Variants in WDR64 observed in about 807,000 individuals in gnomAD.
The protein encoded by WDR64 is WD repeat domain 64, also known as WD repeat-containing protein 64.
In WDR64, 112 loss-of-function variants were observed where a neutral mutation model predicts 139.3. That is an observed-to-expected ratio of 0.80 (90% CI 0.69 to 0.94). The LOEUF is 0.94. WDR64 is among the 40% of genes least tolerant of loss of function. The pLI, the probability that WDR64 is intolerant of heterozygous loss-of-function variation, is 0.00. For synonymous variants in WDR64, 444 were observed against 437.7 expected, an observed-to-expected ratio of 1.01 and a Z score of -0.18; for missense variants, 1,206 against 1,293.1, an observed-to-expected ratio of 0.93 and a Z score of 1.03.
At chr1:241,765,401 G>A (rs1344198761) in intron 15 of WDR64, among the ~76,000 whole-genome samples, 1 of 152,054 alleles carries the variant, frequency 6.6e-6, no homozygotes, top group East Asian at 1.9e-4. Context: ...AAATGTATTT[G>A]AGATAAACCC....
At chr1:241,713,596 T>C (rs1490015061) in intron 9 of WDR64, among the ~76,000 whole-genome samples, 1 of 148,106 alleles carries the variant, frequency 6.8e-6, no homozygotes, top group East Asian at 2.0e-4. Flanking sequence ...TTGAGATTGA[T>C]TGAGATAATT....
intron 20 of WDR64, among the ~76,000 whole-genome samples, chr1:241,774,664 C>T (rs1658580296): frequency 6.6e-6 from 1 of 152,016 alleles, no homozygotes. Context: ...CTGTTTAAAA[C>T]AACTGACATA....
chr1:241,715,585 C>T (rs911311935), intron 9 of WDR64, among the ~76,000 whole-genome samples: 1 of 152,164 alleles, frequency 6.6e-6, no homozygotes, highest in Non-Finnish European at 1.5e-5. Context: ...AATATTAGCC[C>T]TCTTCCTCTT....
chr1:241,773,558 C>T (rs1658539970), intron 20 of WDR64, among the ~76,000 whole-genome samples: 1 of 152,098 alleles, frequency 6.6e-6, no homozygotes, highest in African/African-American at 2.4e-5. Flanking sequence ...CAACCTCCAC[C>T]CCTCGGTTCA....
intron 8 of WDR64, among the ~76,000 whole-genome samples, chr1:241,707,886 A>T (rs1668013791): frequency 2.6e-5 from 4 of 152,250 alleles, no homozygotes; most frequent in Admixed American, 2.6e-4. Context: ...TTCTAAAGTC[A>T]TATATTTAGC....
At chr1:241,772,451 C>CTTTTTTTTGTTTTT (rs1658491311) in intron 19 of WDR64, among the ~76,000 whole-genome samples, 1 of 59,020 alleles carries the variant, frequency 1.7e-5, no homozygotes, top group Non-Finnish European at 3.0e-5. Flanking sequence ...AAGATAGATC[C>CTTTTTTTTGTTTTT]TTTTTTTTTT....
intron 2 of WDR64, among the ~76,000 whole-genome samples, chr1:241,661,249 A>G (rs763488256): frequency 1.9e-4 from 29 of 152,196 alleles, no homozygotes; most frequent in Non-Finnish European, 3.7e-4. Flanking sequence ...ATGGATATGT[A>G]TAAGGAGAAT....
At chr1:241,771,124 T>A (rs1037969223) in intron 18 of WDR64, among the ~76,000 whole-genome samples, 2 of 152,240 alleles carry the variant, frequency 1.3e-5, no homozygotes. Context: ...CAATTTTATA[T>A]ATTTTTATGC....
At chr1:241,654,760 G>A (rs901925360) in intron 1 of WDR64, among the ~76,000 whole-genome samples, 1 of 152,082 alleles carries the variant, frequency 6.6e-6, no homozygotes, top group Non-Finnish European at 1.5e-5. Flanking sequence ...CATGAGATAG[G>A]GGCATATTAA....
rs1665869841 is a variant in WDR64 at position 241,662,522 on chromosome 1, C to A, written c.276+1862C>A. On this transcript the variant is annotated intron_variant, in intron 2 of 27. Coordinates refer to ENST00000437684, the MANE Select transcript of WDR64 (RefSeq NM_001367482.1). ...AGTTCACAACTTTGCATTTTCAAGG[C>A]CAGCAGGAGAATTTTTCCCTCCATA... 2.6e-5 allele frequency among the ~76,000 whole-genome samples: 4 copies of A among 152,088 alleles called. No homozygotes were observed. In the South Asian group the frequency reaches 6.2e-4, roughly 24 times the overall value.
rs997708751 is a variant in WDR64 at position 241,744,530 on chromosome 1, C to T, written c.1594+14C>T. The T allele has an allele frequency of 1.2e-6, 2 of 1,612,438 alleles. No homozygotes were observed. Among genetic ancestry groups the T allele is most frequent in the South Asian group, 1.1e-5 (1 of 90,506 alleles). ...GAGCGTATAATGGTCAGACTAACAT[C>T]CAGAATGTGGCGTCCCTGCTTTAGT... On this transcript the variant is annotated intron_variant, in intron 13 of 27. Transcript: ENST00000437684.
intron 8 of WDR64, among the ~76,000 whole-genome samples, chr1:241,700,100 C>T (rs370948837): frequency 6.7e-6 from 1 of 149,772 alleles, no homozygotes; most frequent in East Asian, 2.0e-4. Flanking sequence ...AACAGATATT[C>T]TTGCACAACT....
intron 23 of WDR64, among the ~76,000 whole-genome samples, chr1:241,784,811 G>A (rs369111679): frequency 2.8e-4 from 42 of 151,662 alleles, no homozygotes; most frequent in South Asian, 2.3e-3. Context: ...AAAATTAGCC[G>A]GGCGTGGTGG....
intron 2 of WDR64, among the ~76,000 whole-genome samples, chr1:241,663,272 C>A (rs112371372): frequency 6.6e-6 from 1 of 152,216 alleles, no homozygotes; most frequent in Non-Finnish European, 1.5e-5. Flanking sequence ...CTGTTTCACA[C>A]GGAAATGTGA....
At chr1:241,791,855 T>C (rs894851416) in intron 25 of WDR64, among the ~76,000 whole-genome samples, 2 of 152,176 alleles carry the variant, frequency 1.3e-5, no homozygotes, top group African/African-American at 4.8e-5. Context: ...GTGGACATCT[T>C]TGGTAGCTGT....
Position 241,734,938 on chromosome 1 carries a change from A to C in WDR64, c.1195-3425A>C, listed in dbSNP as rs539717162. Among the ~76,000 whole-genome samples, 35 of 152,318 alleles carry C rather than the reference A, an allele frequency of 2.3e-4. 1 individual carries two copies. The highest frequency in any genetic ancestry group is 8.2e-4 in the African/African-American group (34 of 41,578). ...AAAATCACCTAAGGACACATTTCTC[A>C]GAACATACCCCTGTCCTTAAGCAGC... On this transcript the variant is annotated intron_variant, in intron 10 of 27. Coordinates refer to ENST00000437684, the MANE Select transcript of WDR64 (RefSeq NM_001367482.1).
At position 241,775,192 on chromosome 1, in the gene WDR64, C is replaced by T. The variant is rs975401547; in HGVS notation, c.2518C>T (p.Leu840=). Residue 840 remains leucine (L), a synonymous_variant, in exon 21 of 28, where the codon CTA becomes TTA. Transcript: ENST00000437684. ...GTATACTGATTCATGTACGAGGATA[C>T]TACTGGCTGGAAATGTGGGTGAGTC... The part of the protein sequence containing the change: ...SLYTDSCTRI[L]LAGNVEGHVI... 1.3e-5 allele frequency: 20 copies of T among 1,550,200 alleles called. No homozygotes were observed. In the Middle Eastern group the frequency reaches 5.0e-4, roughly 39 times the overall value.
At chr1:241,689,643 C>T (rs961207872) in intron 8 of WDR64, among the ~76,000 whole-genome samples, 3 of 152,104 alleles carry the variant, frequency 2.0e-5, no homozygotes, top group African/African-American at 7.2e-5. Flanking sequence ...CAGATGCAGA[C>T]ATGGCAAGGA....
chr1:241,776,169 C>T (rs899489280), intron 21 of WDR64, among the ~76,000 whole-genome samples: 1 of 152,072 alleles, frequency 6.6e-6, no homozygotes, highest in Non-Finnish European at 1.5e-5. Context: ...ACCTCTGCCT[C>T]CTAGGTTCAA....
Sources: allele counts gnomAD v4.1 joint callset (sites outside exome capture counted in the v4.1 genomes callset), GRCh38; gene constraint gnomAD v4.1.1; transcripts MANE v1.5; gene names NCBI Gene and HGNC (gene_info 2026-07-23, HGNC 2026-07-21).